Variants in CROCC observed in about 807,000 individuals in gnomAD.
CROCC encodes rootletin.
Under a neutral mutation model 245.2 loss-of-function variants are expected in CROCC, and 180 were observed. That is an observed-to-expected ratio of 0.73 (90% CI 0.65 to 0.83). The LOEUF (loss-of-function observed/expected upper bound fraction) is 0.83, where lower values mean the gene tolerates loss of function less well. CROCC is among the 40% of genes least tolerant of loss of function. The pLI is 0.00. For synonymous variants in CROCC, 1,205 were observed against 1,241.6 expected (o/e 0.97, Z 0.62); for missense variants, 2,688 against 2,779.4 (o/e 0.97, Z 0.74).
chr1:16,954,428 C>A lies in CROCC; in HGVS notation c.3321+71C>A. ...ATCCCTGGCTGAGGAGCCCCCACCA[C>A]GGGGCGGCATGGCCCTGTCCTGGAG... On this transcript the variant is annotated intron_variant, in intron 22 of 36. Coordinates refer to ENST00000375541, the MANE Select transcript of CROCC (RefSeq NM_014675.5). The surrounding 1 kb of genome is among the most constrained non-coding windows in gnomAD (Gnocchi z 4.4). 1 of 1,546,332 alleles carries A rather than the reference C, an allele frequency of 6.5e-7. No homozygotes were observed. Among genetic ancestry groups the A allele is most frequent in the Non-Finnish European group, 8.8e-7 (1 of 1,140,072 alleles).
At position 16,962,309 on chromosome 1, in the gene CROCC, G is replaced by T. The variant is rs191206138; in HGVS notation, c.4405+1179G>T. Among the ~76,000 whole-genome samples, 104 of 151,458 alleles carry T rather than the reference G, an allele frequency of 6.9e-4. 1 individual carries two copies. In the East Asian group the frequency reaches 0.016, roughly 24 times the overall value. On this transcript the variant is annotated intron_variant, in intron 27 of 36. Coordinates refer to ENST00000375541, the MANE Select transcript of CROCC (RefSeq NM_014675.5). ...GCCTGTAATCCCAGCACTTTGGGAGGCAGAGGTGGGCGGATCACGAGGTCA... is the reference window on the plus strand; with the variant it reads ...GCCTGTAATCCCAGCACTTTGGGAGTCAGAGGTGGGCGGATCACGAGGTCA...
At position 16,948,312 on chromosome 1, in the gene CROCC, G is replaced by C; in HGVS notation, c.2515-19G>C. ...TGGGGGACGCTGGGAGTGCTACTCA[G>C]TCTCTGGGTGGGGGCCAGCTCTCCC... On this transcript the variant is annotated intron_variant, in intron 17 of 36. Coordinates refer to ENST00000375541, the MANE Select transcript of CROCC (RefSeq NM_014675.5). 1 of 1,547,476 alleles carries C rather than the reference G, an allele frequency of 6.5e-7. No homozygotes were observed. Among genetic ancestry groups the C allele is most frequent in the Non-Finnish European group, 8.7e-7 (1 of 1,152,420 alleles).
At chr1:16,928,633 C>A (rs2075591318) in intron 3 of CROCC, among the ~76,000 whole-genome samples, 1 of 151,920 alleles carries the variant, frequency 6.6e-6, no homozygotes, top group African/African-American at 2.4e-5. Context: ...GAAACCCCAT[C>A]TCTACTAAAA....
chr1:16,927,113 A>G (rs1360936080), intron 3 of CROCC, among the ~76,000 whole-genome samples: 4 of 152,248 alleles, frequency 2.6e-5, no homozygotes, highest in African/African-American at 7.2e-5. Flanking sequence ...CCACACAGAC[A>G]CACAGATGCA....
rs1456998353 is a variant in CROCC at position 16,971,557 on chromosome 1, G to C, written c.5877G>C (p.Glu1959Asp). The change falls in exon 36 of 37, where the codon GAG becomes GAC. Residue 1959 changes from glutamate to aspartate, a missense_variant. Glu to Asp is a conservative substitution (Grantham distance 45). Coordinates refer to ENST00000375541, the MANE Select transcript of CROCC (RefSeq NM_014675.5). ...AGCTGGAGCTGCAGCAGGAGGTGGAGCGGCTGCGCAGCGCCCAGGCGCAGA... is the reference window on the plus strand; with the variant it reads ...AGCTGGAGCTGCAGCAGGAGGTGGACCGGCTGCGCAGCGCCCAGGCGCAGA... ...QQQLELQQEV[E>D]RLRSAQAQTE... The C allele has an allele frequency of 2.5e-5, 39 of 1,536,584 alleles. No homozygotes were observed. The highest frequency in any genetic ancestry group is 3.4e-5 in the Non-Finnish European group (39 of 1,146,062).
intron 10 of CROCC, among the ~76,000 whole-genome samples, chr1:16,937,979 G>A (rs1451944944): frequency 2.5e-4 from 38 of 152,272 alleles, no homozygotes; most frequent in Non-Finnish European, 5.9e-5. Context: ...CCCAAGAGGG[G>A]TAATGCTTGT....
chr1:16,963,137 C>G (rs2076360975), intron 27 of CROCC, among the ~76,000 whole-genome samples: 1 of 148,494 alleles, frequency 6.7e-6, no homozygotes, highest in South Asian at 2.1e-4. Flanking sequence ...GAGCCGAGAT[C>G]GCACCATTGC....
At chr1:16,967,398 C>A (rs1480269780) in intron 30 of CROCC, among the ~76,000 whole-genome samples, 1 of 152,188 alleles carries the variant, frequency 6.6e-6, no homozygotes, top group Non-Finnish European at 1.5e-5. Context: ...ACCACCCCCG[C>A]CCCCAAGGCC....
In CROCC at chr1:16,954,776, GC is replaced by G; in HGVS notation, c.3367del (p.Gln1123SerfsTer13). ...ALTSELRDLR[A>X]QREEAAAAHA... ...GACGTCTGAGCTGCGGGACCTACGGGCCCAGCGGGAGGAGGCTGCTGCGGCC... is the reference window on the plus strand; with the variant it reads ...GACGTCTGAGCTGCGGGACCTACGGGCCAGCGGGAGGAGGCTGCTGCGGCC... On this transcript the variant is annotated frameshift_variant, in exon 23 of 37. Transcript: ENST00000375541. LOFTEE classifies it high-confidence loss of function. This position sits in a 1 kb window ranked among gnomAD's most constrained non-coding sequence, Gnocchi z 4.4. 6.4e-7 allele frequency: 1 copy of G among 1,554,668 alleles called. No homozygotes were observed. The highest frequency in any genetic ancestry group is 8.7e-7 in the Non-Finnish European group (1 of 1,149,654).
At chr1:16,950,159 ATT>A (rs2076134997) in intron 19 of CROCC, among the ~76,000 whole-genome samples, 1 of 131,154 alleles carries the variant, frequency 7.6e-6, no homozygotes, top group Non-Finnish European at 1.6e-5. Flanking sequence ...TGCCTCCTGC[ATT>A]CAAGCGATTC....
chr1:16,969,222 T>G lies in CROCC; in HGVS notation c.5183T>G (p.Val1728Gly). ...EESEGALRDK[V>G]RGLTEALAQS... is the part of the protein sequence containing the mutation. The stretch of plus-strand genomic sequence containing the variant: ...AGCGAGGGGGCCCTGCGGGACAAGG[T>G]GCGGGGCCTGACAGAGGCCCTGGCC... Residue 1728 changes from valine (V) to glycine (G), a missense_variant, in exon 32 of 37, where the codon GTG (valine) becomes GGG (glycine). Val to Gly is a moderately radical substitution (Grantham distance 109). Coordinates refer to ENST00000375541, the MANE Select transcript of CROCC (RefSeq NM_014675.5). The G allele has an allele frequency of 1.2e-6, 2 of 1,612,908 alleles. No individual in the cohort carries two copies. Among genetic ancestry groups the G allele is most frequent in the Non-Finnish European group, 1.7e-6 (2 of 1,179,618 alleles).
chr1:16,919,559 T>C (rs1305984368), upstream of CROCC, among the ~76,000 whole-genome samples: 3 of 152,286 alleles, frequency 2.0e-5, no homozygotes, highest in Non-Finnish European at 2.9e-5. Context: ...TTTATTCGGC[T>C]GGGAACTTCA....
chr1:16,914,538 C>T (rs1191250112), intron 1 of CROCC, among the ~76,000 whole-genome samples: 2 of 152,284 alleles, frequency 1.3e-5, no homozygotes, highest in African/African-American at 4.8e-5. Flanking sequence ...CGTGTGGGAT[C>T]CGGTTTCGTC....
chr1:16,935,537 C>T (rs1353019562), intron 8 of CROCC, among the ~76,000 whole-genome samples: 1 of 152,270 alleles, frequency 6.6e-6, no homozygotes, highest in Non-Finnish European at 1.5e-5. Flanking sequence ...TCTCCTGCCT[C>T]AGCCTCCCGA....
chr1:16,950,588 C>T (rs1570671887), intron 19 of CROCC, among the ~76,000 whole-genome samples: 1 of 152,228 alleles, frequency 6.6e-6, no homozygotes, highest in African/African-American at 2.4e-5. Flanking sequence ...GAACTCCTGA[C>T]CTAAGGTGAT....
chr1:16,931,229 G>A lies in CROCC; in HGVS notation c.850-62G>A, dbSNP rs530762453. ...CCCAGGATGGTCGGAGATGAGGGAA[G>A]CAGTGGGAGGGAGTAAACCCGCTCT... On this transcript the variant is annotated intron_variant, in intron 7 of 36. Transcript: ENST00000375541. The A allele has an allele frequency of 1.9e-4, 272 of 1,404,294 alleles. No individual in the cohort carries two copies. The African/African-American group carries it at 3.5e-3, about 18-fold the overall frequency. 87.0% of individuals were successfully genotyped at this position (1,404,294 alleles called of 1,614,324 possible).
rs907837680 is a variant in CROCC at position 16,966,192 on chromosome 1, G to A, written c.4696+73G>A. On this transcript the variant is annotated intron_variant, in intron 29 of 36. Transcript: ENST00000375541. This position sits in a 1 kb window ranked among gnomAD's most constrained non-coding sequence, Gnocchi z 4.8. ...AGTTGAGGCAGGAGCCGGGGGATTG[G>A]CCTCTGACCTTGCCGTGGCCCCCAT... The A allele has an allele frequency of 9.1e-6, 14 of 1,546,446 alleles. No individual in the cohort carries two copies. Among genetic ancestry groups the A allele is most frequent in the Non-Finnish European group, 1.1e-5 (13 of 1,142,498 alleles).
chr1:16,932,989 C>A (rs2075711889), intron 8 of CROCC, among the ~76,000 whole-genome samples: 1 of 152,360 alleles, frequency 6.6e-6, no homozygotes, highest in Admixed American at 6.5e-5. Flanking sequence ...TTTTTTATTT[C>A]TTGTAGAGTC....
chr1:16,940,412 G>C (rs1288511967), intron 13 of CROCC, among the ~76,000 whole-genome samples: 1 of 150,434 alleles, frequency 6.6e-6, no homozygotes, highest in Non-Finnish European at 1.5e-5. Flanking sequence ...TTTTTGAGAC[G>C]GAGTTTCACT....
Sources: gnomAD v4.1 joint callset for allele counts (sites outside exome capture counted in the v4.1 genomes callset) on GRCh38, gnomAD v4.1.1 for gene constraint, Gnocchi (gnomAD v3.1) non-coding constraint, MANE v1.5 for transcripts, NCBI Gene and HGNC (gene_info 2026-07-23, HGNC 2026-07-21) for gene names.